Variants in WDR70 observed in about 807,000 individuals in gnomAD.
WDR70 encodes WD repeat domain 70.
Under a neutral mutation model 88.6 loss-of-function variants are expected in WDR70, and 53 were observed. The ratio of observed to expected loss-of-function variants is 0.60; its 90% CI spans 0.48 to 0.75. The LOEUF (loss-of-function observed/expected upper bound fraction) is 0.75, where lower values mean the gene tolerates loss of function less well. WDR70 is among the 30% of genes least tolerant of loss of function. The pLI, the probability that WDR70 is intolerant of heterozygous loss-of-function variation, is 0.00. For missense variants in WDR70, 610 were observed against 823.2 expected, an observed-to-expected ratio of 0.74 and a Z score of 3.17; for synonymous variants, 280 against 270.0, an observed-to-expected ratio of 1.04 and a Z score of -0.36.
At chr5:37,528,987 T>A (rs1209219762) in intron 9 of WDR70, among the ~76,000 whole-genome samples, 1 of 150,224 alleles carries the variant, frequency 6.7e-6, no homozygotes, top group African/African-American at 2.4e-5. Context: ...TCATTTTGAG[T>A]TGATTTTTGT....
chr5:37,727,999 T>G (rs1180735374), intron 17 of WDR70, among the ~76,000 whole-genome samples: 3 of 152,124 alleles, frequency 2.0e-5, no homozygotes, highest in African/African-American at 7.2e-5. Flanking sequence ...ATTTAACACT[T>G]TACATAATCT....
At chr5:37,741,064 G>A (rs1222713064) in intron 17 of WDR70, among the ~76,000 whole-genome samples, 1 of 152,090 alleles carries the variant, frequency 6.6e-6, no homozygotes, top group Non-Finnish European at 1.5e-5. Flanking sequence ...ATATTTGTCT[G>A]CAGAGTCCTG....
At chr5:37,391,560 C>T (rs945556728) in intron 3 of WDR70, among the ~76,000 whole-genome samples, 5 of 152,150 alleles carry the variant, frequency 3.3e-5, no homozygotes, top group African/African-American at 1.2e-4. Flanking sequence ...GCATAGTGTC[C>T]TCAAGGTTTA....
intron 5 of WDR70, among the ~76,000 whole-genome samples, chr5:37,410,482 A>G (rs1337934666): frequency 6.6e-6 from 1 of 152,120 alleles, no homozygotes; most frequent in South Asian, 2.1e-4. Flanking sequence ...TCCAGATGCT[A>G]GCTGCATTTG....
intron 9 of WDR70, among the ~76,000 whole-genome samples, chr5:37,529,299 T>G (rs1741408544): frequency 6.6e-6 from 1 of 152,174 alleles, no homozygotes; most frequent in African/African-American, 2.4e-5. Context: ...GCTTTGGCTA[T>G]GTGGGCTCTT....
rs557530981 is a variant in WDR70, at chr5:37,607,087, C to T, written c.1092+1849C>T. Among the ~76,000 whole-genome samples, 189 of 151,294 alleles carry T rather than the reference C, an allele frequency of 1.2e-3. 1 individual carries two copies. The highest frequency in any genetic ancestry group is 4.5e-3 in the African/African-American group (184 of 41,128). ...CTGAGTGGTTGGGATTACATACAGG[C>T]CTGTACCACCACACCCAGCTAGTTT... On this transcript the variant is annotated intron_variant, in intron 10 of 17. Transcript: ENST00000265107.
intron 8 of WDR70, among the ~76,000 whole-genome samples, chr5:37,512,482 G>C (rs981449671): frequency 2.0e-5 from 3 of 152,008 alleles, no homozygotes; most frequent in Admixed American, 6.6e-5. Context: ...GCCTCCCAAA[G>C]TGTTGAGATT....
intron 10 of WDR70, among the ~76,000 whole-genome samples, chr5:37,675,916 G>T (rs929357022): frequency 7.9e-5 from 12 of 152,114 alleles, no homozygotes; most frequent in African/African-American, 2.9e-4. Context: ...TCATGGAGCA[G>T]TGGTTTGTAG....
chr5:37,424,407 AT>A (rs11434948), intron 5 of WDR70, among the ~76,000 whole-genome samples: 105 of 142,096 alleles, frequency 7.4e-4, no homozygotes, highest in African/African-American at 1.1e-3. Context: ...ATTTTTTTCC[AT>A]TTTTTTTTTT....
intron 10 of WDR70, among the ~76,000 whole-genome samples, chr5:37,662,016 G>C (rs1363438654): frequency 6.6e-6 from 1 of 152,172 alleles, no homozygotes; most frequent in Non-Finnish European, 1.5e-5. Context: ...TTTTGTTTCA[G>C]AGTCAAACCA....
At chr5:37,396,268 C>A (rs1561836349) in intron 4 of WDR70, 107 bp from the exon 5 acceptor site, 2 of 1,352,656 alleles carry the variant, frequency 1.5e-6, no homozygotes, top group Admixed American at 2.7e-5. Flanking sequence ...TTAAAAAATA[C>A]CCAGTTGTTA....
At chr5:37,555,893 G>T (rs1193827280) in intron 9 of WDR70, among the ~76,000 whole-genome samples, 1 of 151,890 alleles carries the variant, frequency 6.6e-6, no homozygotes, top group Non-Finnish European at 1.5e-5. Flanking sequence ...TAATTTTTAT[G>T]TTTTTAGTAG....
At chr5:37,470,978 C>T (rs1739310160) in intron 7 of WDR70, among the ~76,000 whole-genome samples, 1 of 151,982 alleles carries the variant, frequency 6.6e-6, no homozygotes, top group Non-Finnish European at 1.5e-5. Context: ...ACCTCTGTCT[C>T]CTGGGTTCAA....
chr5:37,379,412 T>G lies in WDR70; in HGVS notation c.25+20T>G. ...GCGAAGGTGGGTTTCATGAGGCGAGTCCGGGCGGGGTGGGCCGTGTCGGGG... is the reference window on the plus strand; with the variant it reads ...GCGAAGGTGGGTTTCATGAGGCGAGGCCGGGCGGGGTGGGCCGTGTCGGGG... On this transcript the variant is annotated intron_variant, in intron 1 of 17. Coordinates refer to ENST00000265107, the MANE Select transcript of WDR70 (RefSeq NM_018034.4). The G allele has an allele frequency of 6.2e-7, 1 of 1,613,528 alleles. No individual in the cohort carries two copies. Among genetic ancestry groups the G allele is most frequent in the Non-Finnish European group, 8.5e-7 (1 of 1,179,818 alleles).
chr5:37,460,749 G>C (rs1248765768), intron 7 of WDR70, among the ~76,000 whole-genome samples: 1 of 151,378 alleles, frequency 6.6e-6, no homozygotes, highest in East Asian at 1.9e-4. Context: ...ACAGCAGGTT[G>C]AGTTGCATAG....
chr5:37,568,261 G>A (rs997477033), intron 9 of WDR70, among the ~76,000 whole-genome samples: 2 of 152,156 alleles, frequency 1.3e-5, no homozygotes, highest in African/African-American at 4.8e-5. Flanking sequence ...TGTTTGGCAG[G>A]TGTGGTGTTT....
intron 5 of WDR70, among the ~76,000 whole-genome samples, chr5:37,428,691 G>A (rs1750210045): frequency 6.6e-6 from 1 of 152,070 alleles, no homozygotes; most frequent in Admixed American, 6.6e-5. Flanking sequence ...CTTGTTCTTG[G>A]TTTTTGGCTA....
chr5:37,466,352 G>A (rs1301804433), intron 7 of WDR70, among the ~76,000 whole-genome samples: 3 of 152,146 alleles, frequency 2.0e-5, no homozygotes, highest in Non-Finnish European at 4.4e-5. Context: ...ATTTCATATT[G>A]TCTACAGCTG....
chr5:37,604,947 T>G (rs1743987223), intron 9 of WDR70, 117 bp from the exon 10 acceptor site: 6 of 819,764 alleles, frequency 7.3e-6, no homozygotes, highest in African/African-American at 3.5e-5. Flanking sequence ...TTTAAAATAA[T>G]TATTAGATTT....
Sources: gnomAD v4.1 joint callset for allele counts (sites outside exome capture counted in the v4.1 genomes callset) on GRCh38, gnomAD v4.1.1 for gene constraint, MANE v1.5 for transcripts, NCBI Gene and HGNC (gene_info 2026-07-23, HGNC 2026-07-21) for gene names.